The following SF3B3 variants were observed in gnomAD, a reference collection of about 807,000 sequenced individuals.
SF3B3 encodes SAP 130.
Under a neutral mutation model 139.2 loss-of-function variants are expected in SF3B3, and 33 were observed. The ratio of observed to expected loss-of-function variants is 0.24; its 90% confidence interval spans 0.18 to 0.32. SF3B3 has a LOEUF of 0.32. SF3B3 is among the 10% of genes least tolerant of loss of function. SF3B3 has a pLI of 1.00. For missense variants in SF3B3, 818 were observed against 1,509.4 expected (o/e 0.54, Z 7.59); for synonymous variants, 596 against 563.6 (o/e 1.06, Z -0.81).
chr16:70,544,348 G>A, intron 9 of SF3B3, 90 bp from the exon 10 acceptor site: 2 of 739,650 alleles, frequency 2.7e-6, no homozygotes, highest in East Asian at 2.5e-5. Flanking sequence ...GTATTGGAAA[G>A]CAGCTGGATG....
rs534757275 is a variant in SF3B3 at position 70,563,524 on chromosome 16, A to C, written c.2289-352A>C. 2.5e-4 allele frequency among the ~76,000 whole-genome samples: 38 copies of C among 152,340 alleles called. No individual in the cohort carries two copies. In the South Asian group the frequency reaches 7.9e-3, roughly 32 times the overall value. ...TATTTTATGAAGCACAGTCACTACA[A>C]ATACCATATATGTTTAGGTAATTGC... On this transcript the variant is annotated intron_variant, in intron 17 of 25. Transcript: ENST00000302516.
At chr16:70,546,605 C>T (rs1440059624) in intron 10 of SF3B3, among the ~76,000 whole-genome samples, 1 of 151,970 alleles carries the variant, frequency 6.6e-6, no homozygotes, top group Non-Finnish European at 1.5e-5. Context: ...GAGCCGAGAT[C>T]ACGCCACTGT....
At chr16:70,565,733 A>C in intron 20 of SF3B3, 2 of 540,710 alleles carry the variant, frequency 3.7e-6, no homozygotes, top group Non-Finnish European at 3.3e-6. Context: ...ACCATCCATA[A>C]TGGGGAGATA....
intron 16 of SF3B3, chr16:70,561,391 G>C: frequency 8.7e-6 from 4 of 457,582 alleles, no homozygotes; most frequent in South Asian, 3.4e-5. Context: ...GTGGAAGCAG[G>C]CTTAGAGAGA....
chr16:70,554,404 A>T (rs752232235), intron 11 of SF3B3, 42 bp from the exon 12 acceptor site: 1 of 1,595,330 alleles, frequency 6.3e-7, no homozygotes, highest in Non-Finnish European at 8.6e-7. Flanking sequence ...TTGTAATTCT[A>T]ATGAGTTCTT....
At chr16:70,548,888 T>C (rs186937565) in intron 11 of SF3B3, among the ~76,000 whole-genome samples, 1 of 152,362 alleles carries the variant, frequency 6.6e-6, no homozygotes, top group African/African-American at 2.4e-5. Flanking sequence ...TAGTCAATCT[T>C]GCTAGTGCTT....
chr16:70,538,048 C>T (rs1392171389), intron 6 of SF3B3: 1 of 625,060 alleles, frequency 1.6e-6, no homozygotes, highest in African/African-American at 1.8e-5. Context: ...TGTCTCTTCT[C>T]TGACATTTTT....
chr16:70,544,748 T>G (rs1422341988), intron 10 of SF3B3, among the ~76,000 whole-genome samples: 1 of 152,224 alleles, frequency 6.6e-6, no homozygotes, highest in Non-Finnish European at 1.5e-5. Flanking sequence ...TGGTGTGCAA[T>G]GACATGATCT....
At chr16:70,548,261 A>C in intron 10 of SF3B3, 109 bp from the exon 11 acceptor site, 3 of 851,898 alleles carry the variant, frequency 3.5e-6, no homozygotes, top group Non-Finnish European at 6.0e-6. Flanking sequence ...CTTTAAATAC[A>C]GCATACGTTG....
At chr16:70,540,993 CTG>C (rs2050214478) in intron 8 of SF3B3, among the ~76,000 whole-genome samples, 1 of 152,144 alleles carries the variant, frequency 6.6e-6, no homozygotes, top group South Asian at 2.1e-4. Flanking sequence ...CATGGTAATT[CTG>C]TGTTTAACTT....
intron 18 of SF3B3, 63 bp downstream of exon 18, chr16:70,564,113 A>C: frequency 6.5e-7 from 1 of 1,546,406 alleles, no homozygotes; most frequent in Non-Finnish European, 8.8e-7. Context: ...GAAAAGTTTA[A>C]ACTGCCCGGC....
At position 70,541,652 on chromosome 16, in the gene SF3B3, C is replaced by T. The variant is rs753842742; in HGVS notation, c.1068-17C>T. 6.9e-5 allele frequency: 111 copies of T among 1,609,738 alleles called. No homozygotes were observed. Among genetic ancestry groups the T allele is most frequent in the Non-Finnish European group, 9.2e-5 (108 of 1,177,072 alleles). On this transcript the variant is annotated splice_polypyrimidine_tract_variant and intron_variant, in intron 8 of 25. Transcript: ENST00000302516. The stretch of plus-strand genomic sequence containing the variant: ...AGAACTCGTTACCGAAAGTTTCTCT[C>T]CTCTGCTTCTTCCCAGTTACTTATA...
At chr16:70,526,234 G>T (rs990586640) in intron 1 of SF3B3, among the ~76,000 whole-genome samples, 1 of 151,684 alleles carries the variant, frequency 6.6e-6, no homozygotes, top group Non-Finnish European at 1.5e-5. Flanking sequence ...TTGAGATGAG[G>T]TCTCATTCTG....
chr16:70,571,191 C>G lies in SF3B3; in HGVS notation c.3505C>G (p.Pro1169Ala). 6.2e-7 allele frequency: 1 copy of G among 1,607,390 alleles called. No individual in the cohort carries two copies. The highest frequency in any genetic ancestry group is 1.1e-5 in the South Asian group (1 of 90,966). Residue 1169 changes from proline to alanine, a missense_variant, in exon 25 of 26, where the codon CCT (proline) becomes GCT (alanine). Around this residue, in one of 14 missense-constraint regions of SF3B3, gnomAD observed 44 missense variants for 40.4 expected, o/e 1.09. Transcript: ENST00000302516. Reference protein sequence around the residue: ...DHLSFRSYYFPVKNVIDGDLC... With the variant: ...DHLSFRSYYFAVKNVIDGDLC... ...CCTCAGCTTTCGCTCCTACTACTTCCCTGTGAAGGTAGGTTGGGGGAATCT... is the reference window on the plus strand; with the variant it reads ...CCTCAGCTTTCGCTCCTACTACTTCGCTGTGAAGGTAGGTTGGGGGAATCT...
chr16:70,542,583 G>T (rs2050229587), intron 9 of SF3B3, among the ~76,000 whole-genome samples: 2 of 152,234 alleles, frequency 1.3e-5, no homozygotes, highest in East Asian at 1.9e-4. Flanking sequence ...TGTTCACTGG[G>T]TACTGGGGAA....
chr16:70,545,526 A>G (rs535986197), intron 10 of SF3B3, among the ~76,000 whole-genome samples: 48 of 152,288 alleles, frequency 3.2e-4, no homozygotes, highest in Admixed American at 8.5e-4. Flanking sequence ...CCTAATGTTA[A>G]TGCTTTCTAG....
intron 7 of SF3B3, 149 bp downstream of exon 7, chr16:70,538,609 A>G: frequency 1.5e-6 from 1 of 647,320 alleles, no homozygotes; most frequent in East Asian, 2.8e-5. Flanking sequence ...TCTGGTTATC[A>G]GATTTTTGGT....
At chr16:70,528,245 A>G (rs1469302942) in intron 2 of SF3B3, among the ~76,000 whole-genome samples, 7 of 149,154 alleles carry the variant, frequency 4.7e-5, no homozygotes, top group African/African-American at 1.5e-4. Flanking sequence ...GCTCACTGCA[A>G]ACTCCGTCTC....
At chr16:70,542,376 G>T (rs1004569803) in intron 9 of SF3B3, among the ~76,000 whole-genome samples, 4 of 152,194 alleles carry the variant, frequency 2.6e-5, no homozygotes, top group African/African-American at 9.7e-5. Flanking sequence ...GGGATCAGTT[G>T]GTAACAGGTA....
Sources: gnomAD v4.1 joint callset for allele counts (sites outside exome capture counted in the v4.1 genomes callset) on GRCh38, gnomAD v4.1.1 for gene constraint, gnomAD v4.1.1 regional missense constraint, MANE v1.5 for transcripts, NCBI Gene and HGNC (gene_info 2026-07-23, HGNC 2026-07-21) for gene names.